RBM6: variants seen among roughly 807,000 people sequenced by gnomAD.
RBM6 encodes the protein RNA-binding protein 6.
In RBM6, 23 loss-of-function variants were observed where a neutral mutation model predicts 140.4. The observed-to-expected ratio is 0.16, with a 90% CI of 0.12 to 0.23. The LOEUF is 0.23. RBM6 is among the 10% of genes least tolerant of loss of function. The pLI, the probability that RBM6 is intolerant of heterozygous loss-of-function variation, is 1.00. For missense variants in RBM6, 1,139 were observed against 1,386.7 expected, an observed-to-expected ratio of 0.82 and a Z score of 2.84; for synonymous variants, 439 against 475.6, an observed-to-expected ratio of 0.92 and a Z score of 1.00.
chr3:49,948,892 G>A (rs1336333938), intron 1 of RBM6, among the ~76,000 whole-genome samples: 2 of 140,240 alleles, frequency 1.4e-5, no homozygotes, highest in Non-Finnish European at 3.1e-5. Flanking sequence ...GTGCTGTGGC[G>A]TGATCTTGGC....
chr3:49,944,459 T>C (rs951900633), intron 1 of RBM6, among the ~76,000 whole-genome samples: 1 of 151,004 alleles, frequency 6.6e-6, no homozygotes, highest in African/African-American at 2.4e-5. Context: ...GCTATGAATA[T>C]CAGTGTACAA....
At chr3:49,942,361 C>T (rs1313236364) in intron 1 of RBM6, among the ~76,000 whole-genome samples, 1 of 151,316 alleles carries the variant, frequency 6.6e-6, no homozygotes, top group Non-Finnish European at 1.5e-5. Context: ...TGGTGGTGGG[C>T]GCCTGTAGTC....
At chr3:49,995,280 A>G (rs1359259070) in intron 5 of RBM6, among the ~76,000 whole-genome samples, 1 of 152,048 alleles carries the variant, frequency 6.6e-6, no homozygotes, top group Non-Finnish European at 1.5e-5. Context: ...AAAAAATATA[A>G]GGAGGCCGGG....
chr3:49,975,317 T>C lies in RBM6; in HGVS notation c.1414-6T>C. 3 of 1,606,212 alleles carry C rather than the reference T, an allele frequency of 1.9e-6. No homozygotes were observed. The highest frequency in any genetic ancestry group is 2.6e-6 in the Non-Finnish European group (3 of 1,172,814). ...TATCATTTGTATAAATGCCATATTT[T>C]TGCAGATTCTTAATGCTTTTCGGAC... On this transcript the variant is annotated splice_region_variant and splice_polypyrimidine_tract_variant and intron_variant, in intron 4 of 20. Transcript: ENST00000266022.
At chr3:50,046,628 T>G (rs2089241590) in intron 6 of RBM6, among the ~76,000 whole-genome samples, 1 of 151,584 alleles carries the variant, frequency 6.6e-6, no homozygotes, top group East Asian at 1.9e-4. Context: ...CTTGACTAAC[T>G]TCCTGCATTG....
intron 1 of RBM6, among the ~76,000 whole-genome samples, chr3:49,959,539 A>T (rs2084182768): frequency 7.3e-6 from 1 of 137,150 alleles, no homozygotes; most frequent in African/African-American, 2.7e-5. Context: ...GTTGCCATTT[A>T]CAGAATTCTT....
chr3:49,956,264 A>G (rs534206729), intron 1 of RBM6, among the ~76,000 whole-genome samples: 4 of 145,914 alleles, frequency 2.7e-5, no homozygotes, highest in Non-Finnish European at 4.5e-5. Context: ...CAAACAATCT[A>G]CCTGCCTTAG....
intron 8 of RBM6, among the ~76,000 whole-genome samples, chr3:50,056,970 G>C (rs898265656): frequency 6.6e-6 from 1 of 152,186 alleles, no homozygotes; most frequent in African/African-American, 2.4e-5. Context: ...TTTGAGCACT[G>C]TAACACTGGA....
chr3:50,027,376 A>G (rs967743584), intron 6 of RBM6, among the ~76,000 whole-genome samples: 11 of 152,208 alleles, frequency 7.2e-5, no homozygotes, highest in Admixed American at 2.6e-4. Flanking sequence ...ACCTCTTTCA[A>G]GTGTACAATT....
intron 6 of RBM6, among the ~76,000 whole-genome samples, chr3:50,044,683 C>CA (rs2089132975): frequency 6.6e-6 from 1 of 151,988 alleles, no homozygotes; most frequent in Non-Finnish European, 1.5e-5. Context: ...GAGACACTGA[C>CA]AGGTCTGTTT....
In RBM6 at chr3:50,077,111, C is replaced by T. The variant is rs2090486929; in HGVS notation, c.3350C>T (p.Ala1117Val). 6.2e-7 allele frequency: 1 copy of T among 1,612,416 alleles called. No individual in the cohort carries two copies. Among genetic ancestry groups the T allele is most frequent in the African/African-American group, 1.3e-5 (1 of 74,808 alleles). ...YRDAVRRVMF[A>V]RYKELD ...GATGCTGTTCGAAGAGTCATGTTTG[C>T]TCGATATAAAGAACTCGATTAAGAA... Residue 1117 changes from alanine to valine, a missense_variant, in exon 21 of 21, where the codon GCT becomes GTT. Ala to Val is a moderately conservative substitution (Grantham distance 64). Transcript: ENST00000266022.
intron 7 of RBM6, among the ~76,000 whole-genome samples, chr3:50,048,695 A>T (rs1439654045): frequency 6.6e-6 from 1 of 152,170 alleles, no homozygotes; most frequent in Non-Finnish European, 1.5e-5. Context: ...GGAGTCGTAC[A>T]TTTTTTGGAT....
intron 1 of RBM6, among the ~76,000 whole-genome samples, chr3:49,944,257 T>C (rs2108563718): frequency 6.6e-6 from 1 of 152,298 alleles, no homozygotes; most frequent in East Asian, 1.9e-4. Flanking sequence ...ATTTGATCTT[T>C]TGTGTATGGC....
chr3:50,036,922 C>T (rs1470266144), intron 6 of RBM6, among the ~76,000 whole-genome samples: 2 of 152,092 alleles, frequency 1.3e-5, no homozygotes, highest in African/African-American at 4.8e-5. Flanking sequence ...ATTGGGACTA[C>T]AGGCTCATGC....
In RBM6 at chr3:49,944,595, C is replaced by T. The variant is rs183992176; in HGVS notation, c.-67+4370C>T. Among the ~76,000 whole-genome samples, 497 of 151,386 alleles carry T rather than the reference C, an allele frequency of 3.3e-3. 1 individual carries two copies. The highest frequency in any genetic ancestry group is 3.1e-3 in the Non-Finnish European group (208 of 67,936). On this transcript the variant is annotated intron_variant, in intron 1 of 20. Coordinates refer to ENST00000266022, the MANE Select transcript of RBM6 (RefSeq NM_005777.3). ...GGTTCAAGGCATTCTCCTGCCTCAG[C>T]CTCCCGAGTAGCTGGGATTACAGAT...
At chr3:49,996,601 G>C (rs1470034479) in intron 5 of RBM6, among the ~76,000 whole-genome samples, 5 of 152,138 alleles carry the variant, frequency 3.3e-5, no homozygotes, top group African/African-American at 1.2e-4. Context: ...TTGGGAGCTA[G>C]TATAATCAGC....
rs949230223 is a variant in RBM6, at chr3:50,047,384, T to C, written c.1558-861T>C. 5 of 943,934 alleles carry C rather than the reference T, an allele frequency of 5.3e-6. No homozygotes were observed. The African/African-American group carries it at 7.1e-5, about 13-fold the overall frequency. The allele number at this position is 943,934 out of a possible 1,614,324, so 58.5% of individuals were successfully genotyped here. A position where few individuals can be genotyped will look rare whatever the true frequency, so the allele number is the denominator to read the frequency against. On this transcript the variant is annotated intron_variant, in intron 6 of 20. Coordinates refer to ENST00000266022, the MANE Select transcript of RBM6 (RefSeq NM_005777.3). ...CTTGTCAGTAGGCAGAGAATTTTTT[T>C]CCCCTGCACCAACACATACCTGCTG... is the stretch of plus-strand genomic sequence containing the variant.
chr3:50,019,643 C>T (rs916385270), intron 6 of RBM6, among the ~76,000 whole-genome samples: 3 of 152,184 alleles, frequency 2.0e-5, no homozygotes, highest in African/African-American at 7.2e-5. Context: ...GTGTGAGCCA[C>T]CACACCTAGC....
At chr3:50,003,343 A>C (rs1375374613) in intron 6 of RBM6, among the ~76,000 whole-genome samples, 1 of 147,084 alleles carries the variant, frequency 6.8e-6, no homozygotes, top group Non-Finnish European at 1.5e-5. Flanking sequence ...GTCTTTGTCT[A>C]TCCTTTCCCC....
Sources: gnomAD v4.1 joint callset for allele counts (sites outside exome capture counted in the v4.1 genomes callset) on GRCh38, gnomAD v4.1.1 for gene constraint, MANE v1.5 for transcripts, NCBI Gene and HGNC (gene_info 2026-07-23, HGNC 2026-07-21) for gene names.